Variants in MAPK12 observed in about 807,000 individuals in gnomAD.
MAPK12 encodes MAP kinase 12.
A neutral mutation model predicts 49.1 loss-of-function variants in MAPK12; 49 were observed. The ratio of observed to expected loss-of-function variants is 1.00; its 90% CI spans 0.79 to 1.27. The LOEUF is 1.27. Among genes scored for constraint, MAPK12 ranks in the 50% most tolerant of loss-of-function variants. The pLI, the probability that MAPK12 is intolerant of heterozygous loss-of-function variation, is 0.00. For synonymous variants in MAPK12, 251 were observed against 209.7 expected (o/e 1.20, Z -1.70); for missense variants, 554 against 502.4 (o/e 1.10, Z -0.98).
intron 9 of MAPK12, 37 bp from the exon 10 acceptor site, chr22:50,255,568 G>A (rs2065140591): frequency 6.2e-7 from 1 of 1,612,710 alleles, no homozygotes; most frequent in African/African-American, 1.3e-5. Context: ...CAACACCAAG[G>A]CCCAGGTCCG....
chr22:50,258,907 A>G (rs1223882431), intron 2 of MAPK12, among the ~76,000 whole-genome samples: 1 of 152,240 alleles, frequency 6.6e-6, no homozygotes, highest in Non-Finnish European at 1.5e-5. Flanking sequence ...GGCAGAGGGC[A>G]CACACAGAGT....
At chr22:50,254,933 C>A in intron 11 of MAPK12, 1 of 1,363,426 alleles carries the variant, frequency 7.3e-7, no homozygotes. Context: ...AGCCAGAGGT[C>A]ATCTCCACCA....
At position 50,255,861 on chromosome 22, in the gene MAPK12, A is replaced by G. The variant is rs772869234; in HGVS notation, c.640T>C (p.Cys214Arg). The G allele has an allele frequency of 3.0e-5, 48 of 1,612,626 alleles. No individual in the cohort carries two copies. The highest frequency in any genetic ancestry group is 3.9e-5 in the Non-Finnish European group (46 of 1,179,956). ...CCTGTGATCATCTCCGCCATGATGC[A>G]GCCCACAGACCAGATGTCCACTGAG... is the stretch of plus-strand genomic sequence containing the variant. ...TQTVDIWSVG[C>R]IMAEMITGKT... The change falls in exon 8 of 12, where the codon TGC (cysteine) becomes CGC (arginine). Residue 214 changes from cysteine (C) to arginine (R), a missense_variant. By Grantham distance (180) the Cys-to-Arg change is radical. Transcript: ENST00000215659.
chr22:50,257,676 C>CA (rs1429061232), intron 3 of MAPK12: 1 of 594,940 alleles, frequency 1.7e-6, no homozygotes, highest in East Asian at 2.8e-5. Context: ...CCGGTGGAGA[C>CA]AGACACAGGA....
chr22:50,258,556 G>C (rs1569143501), intron 2 of MAPK12, among the ~76,000 whole-genome samples: 1 of 152,250 alleles, frequency 6.6e-6, no homozygotes, highest in Admixed American at 6.5e-5. Context: ...GGGATCTTCT[G>C]GGGGAGGGGC....
intron 3 of MAPK12, chr22:50,257,457 C>T (rs762751400): frequency 9.7e-5 from 54 of 556,628 alleles, no homozygotes; most frequent in Admixed American, 1.8e-4. Flanking sequence ...GAGGAGGCTG[C>T]CTTGGGGTTT....
At chr22:50,260,916 T>C (rs1170384941) in intron 2 of MAPK12, 1 of 372,902 alleles carries the variant, frequency 2.7e-6, no homozygotes, top group Non-Finnish European at 4.9e-6. Context: ...GACCAGGGCC[T>C]GGCTGAGGCG....
intron 2 of MAPK12, among the ~76,000 whole-genome samples, chr22:50,260,420 G>C (rs1254515521): frequency 2.6e-5 from 4 of 152,092 alleles, no homozygotes; most frequent in Admixed American, 1.3e-4. Context: ...GGGGGGCAGT[G>C]GACAAGTGGG....
At position 50,256,095 on chromosome 22, in the gene MAPK12, G is replaced by A; in HGVS notation, c.609C>T (p.Tyr203=). 1.9e-6 allele frequency: 3 copies of A among 1,612,314 alleles called. No individual in the cohort carries two copies. Among genetic ancestry groups the A allele is most frequent in the Non-Finnish European group, 2.5e-6 (3 of 1,179,640 alleles). Residue 203 remains tyrosine (Y), a synonymous_variant, in exon 7 of 12, where the codon TAC becomes TAT. Transcript: ENST00000215659. ...APEVILNWMR[Y]TQTVDIWSVG... is the part of the protein sequence containing the mutation. ...TGGGCAGCTTCTCACCCGTCTGCGT[G>A]TAGCGCATCCAATTCAAGATGACCT...
chr22:50,261,572 G>A lies in MAPK12; in HGVS notation c.-63C>T. The A allele has an allele frequency of 9.7e-7, 1 of 1,026,198 alleles. No homozygotes were observed. Among genetic ancestry groups the A allele is most frequent in the Non-Finnish European group, 1.2e-6 (1 of 858,128 alleles). 63.6% of individuals were successfully genotyped at this position (1,026,198 alleles called of 1,614,324 possible). A position where few individuals can be genotyped will look rare whatever the true frequency, so the allele number is the denominator to read the frequency against. On this transcript the variant is annotated 5_prime_UTR_variant, in exon 1 of 12. Transcript: ENST00000215659. ...GGCGGTGCCCCCACGACCGGGGACGGGGCTCCCTCGGCGCGCGCCTCGGGC... is the reference window on the plus strand; with the variant it reads ...GGCGGTGCCCCCACGACCGGGGACGAGGCTCCCTCGGCGCGCGCCTCGGGC...
Position 50,255,833 on chromosome 22 carries a change from T to C in MAPK12, c.668A>G (p.Lys223Arg). Residue 223 changes from lysine (K) to arginine (R), a missense_variant, in exon 8 of 12, where the codon AAG (lysine) becomes AGG (arginine). Transcript: ENST00000215659. Reference sequence around the variant, plus strand: ...ACGGTCGCTGCCCTTGAACAGCGTCTTGCCTGTGATCATCTCCGCCATGAT... The same window carrying C: ...ACGGTCGCTGCCCTTGAACAGCGTCCTGCCTGTGATCATCTCCGCCATGAT... ...GCIMAEMITG[K>R]TLFKGSDHLD... 6.2e-7 allele frequency: 1 copy of C among 1,612,740 alleles called. No individual in the cohort carries two copies. The highest frequency in any genetic ancestry group is 8.5e-7 in the Non-Finnish European group (1 of 1,179,980).
At chr22:50,257,479 G>A (rs5771285) in intron 3 of MAPK12, 1 of 538,934 alleles carries the variant, frequency 1.9e-6, no homozygotes, top group Non-Finnish European at 3.4e-6. Context: ...TGAACCCTCC[G>A]CTGAAGCGCC....
chr22:50,255,239 C>G lies in MAPK12; in HGVS notation c.982G>C (p.Asp328His). The G allele has an allele frequency of 6.2e-7, 1 of 1,613,982 alleles. No individual in the cohort carries two copies. The highest frequency in any genetic ancestry group is 1.3e-5 in the African/African-American group (1 of 75,060). Residue 328 changes from aspartate (D) to histidine (H), a missense_variant, in exon 11 of 12, where the codon GAC (aspartate) becomes CAC (histidine). Transcript: ENST00000215659. ...EDEPQVQKYD[D>H]SFDDVDRTLD... ...GTGCGGTCAACGTCGTCAAAGGAGT[C>G]ATCATACTTCTGGACCTGGGGCTCA...
Position 50,255,443 on chromosome 22 carries a change from C to T in MAPK12, c.850+10G>A. The T allele has an allele frequency of 6.2e-7, 1 of 1,613,070 alleles. No individual in the cohort carries two copies. The highest frequency in any genetic ancestry group is 8.5e-7 in the Non-Finnish European group (1 of 1,180,010). On this transcript the variant is annotated intron_variant, in intron 10 of 11. Coordinates refer to ENST00000215659, the MANE Select transcript of MAPK12 (RefSeq NM_002969.6). The stretch of plus-strand genomic sequence containing the variant: ...CAGCACCCGGTGGCCCCCACACTAG[C>T]CAGCCGTACCCAGAGGGCTTGCATT...
At position 50,255,505 on chromosome 22, in the gene MAPK12, G is replaced by A. The variant is rs62239359; in HGVS notation, c.798C>T (p.Pro266=). The A allele has an allele frequency of 3.4e-3, 5,537 of 1,613,182 alleles. 14 individuals are homozygous for A. The highest frequency in any genetic ancestry group is 4.0e-3 in the Non-Finnish European group (4,757 of 1,180,020). The change falls in exon 10 of 12, where the codon CCC becomes CCT. Residue 266 remains proline (P), a synonymous_variant. Transcript: ENST00000215659. ...AGGCAAAATCCTTCTTCTCCAATTC[G>A]GGGAGGCCCTTCATGTAGTTCTTGG... ...DEAKNYMKGL[P]ELEKKDFASI... is the part of the protein sequence containing the mutation.
chr22:50,260,020 G>C (rs1222851132), intron 2 of MAPK12, among the ~76,000 whole-genome samples: 1 of 144,674 alleles, frequency 6.9e-6, no homozygotes, highest in African/African-American at 2.5e-5. Flanking sequence ...TGTGATGGGC[G>C]GGTGGTGGGG....
chr22:50,260,293 C>T (rs1012310866), intron 2 of MAPK12, among the ~76,000 whole-genome samples: 7 of 151,618 alleles, frequency 4.6e-5, no homozygotes, highest in Non-Finnish European at 7.4e-5. Context: ...CCCAAGGCAC[C>T]GGTGGCTCAG....
intron 3 of MAPK12, 166 bp downstream of exon 3, chr22:50,258,077 G>T: frequency 1.4e-6 from 1 of 731,700 alleles, no homozygotes; most frequent in South Asian, 1.5e-5. Flanking sequence ...AGGACCATGT[G>T]GGGGAGGGCG....
At chr22:50,253,560 G>T (rs1377559309) in intron 11 of MAPK12, 80 bp from the exon 12 acceptor site, 2 of 737,458 alleles carry the variant, frequency 2.7e-6, no homozygotes, top group Non-Finnish European at 2.4e-6. Flanking sequence ...TCACAGACAC[G>T]CCTGGCGGTG....
Sources: gnomAD v4.1 joint callset for allele counts (sites outside exome capture counted in the v4.1 genomes callset) on GRCh38, gnomAD v4.1.1 for gene constraint, MANE v1.5 for transcripts, NCBI Gene and HGNC (gene_info 2026-07-23, HGNC 2026-07-21) for gene names.